Variants in UFSP2 observed in about 807,000 individuals in gnomAD.
The protein encoded by UFSP2 is UFM1 specific peptidase 2, also known as ufm1-specific protease 2.
UFSP2 carries 43 observed loss-of-function variants against 60.2 expected under a neutral mutation model. The observed-to-expected ratio is 0.71, with a 90% CI of 0.56 to 0.92. UFSP2 has a LOEUF of 0.92. Among genes scored for constraint, UFSP2 ranks in the 40% least tolerant of loss-of-function variants. UFSP2 has a pLI of 0.00. For synonymous variants in UFSP2, 183 were observed against 195.1 expected (o/e 0.94, Z 0.52); for missense variants, 520 against 575.0 (o/e 0.90, Z 0.98).
At chr4:185,409,307 A>T (rs1297267967) in intron 7 of UFSP2, among the ~76,000 whole-genome samples, 1 of 152,206 alleles carries the variant, frequency 6.6e-6, no homozygotes. Context: ...ATAAATTCTT[A>T]CTTATAGTGC....
chr4:185,402,184 G>A (rs1297391279), intron 11 of UFSP2: 3 of 370,730 alleles, frequency 8.1e-6, no homozygotes, highest in South Asian at 4.0e-5. Context: ...GAAAAACCTC[G>A]TGTAATACTA....
intron 2 of UFSP2, among the ~76,000 whole-genome samples, chr4:185,421,991 T>G (rs1010998828): frequency 9.2e-5 from 14 of 152,212 alleles, no homozygotes; most frequent in African/African-American, 3.4e-4. Context: ...TCCTCTGATG[T>G]TCTTTATCTC....
In UFSP2 at chr4:185,415,352, G is replaced by T; in HGVS notation, c.492-5C>A. The stretch of plus-strand genomic sequence containing the variant: ...TCAACCAGGAGTTTACGAACTCTGT[G>T]GGGGGAAATATATAAGTGTATTAAC... On this transcript the variant is annotated splice_polypyrimidine_tract_variant and splice_region_variant and intron_variant, in intron 5 of 11. Coordinates refer to ENST00000264689, the MANE Select transcript of UFSP2 (RefSeq NM_018359.5). 3.8e-6 allele frequency: 6 copies of T among 1,565,230 alleles called. No individual in the cohort carries two copies. The South Asian group carries it at 6.1e-5, about 16-fold the overall frequency.
chr4:185,406,076 A>G (rs1477221193), intron 9 of UFSP2: 9 of 915,612 alleles, frequency 9.8e-6, no homozygotes, highest in Non-Finnish European at 1.3e-5. Flanking sequence ...GTGCTAGATA[A>G]GACGCTAAAA....
At position 185,408,355 on chromosome 4, in the gene UFSP2, A is replaced by G. The variant is rs751774584; in HGVS notation, c.912T>C (p.Tyr304=). Residue 304 remains tyrosine, a synonymous_variant, in exon 8 of 12, where the codon TAT becomes TAC. Coordinates refer to ENST00000264689, the MANE Select transcript of UFSP2 (RefSeq NM_018359.5). ...AAGAGCAGATAGTCTGCAGAGATCG[A>G]TAAGCACAGCCCCAGCCATTGTCAT... ...RIDDNGWGCA[Y]RSLQTICSWF... is the part of the protein sequence containing the mutation. 16 of 1,614,092 alleles carry G rather than the reference A, an allele frequency of 9.9e-6. No individual in the cohort carries two copies. In the South Asian group the frequency reaches 1.6e-4, roughly 17 times the overall value.
intron 9 of UFSP2, among the ~76,000 whole-genome samples, chr4:185,406,508 A>G (rs1339720839): frequency 6.6e-6 from 1 of 152,186 alleles, no homozygotes; most frequent in Non-Finnish European, 1.5e-5. Flanking sequence ...TGAGGAACGT[A>G]TGTTTTAATG....
chr4:185,421,307 AG>A (rs1341137683), intron 2 of UFSP2, among the ~76,000 whole-genome samples: 1 of 152,194 alleles, frequency 6.6e-6, no homozygotes, highest in Admixed American at 6.5e-5. Context: ...ATCTCCTTCA[AG>A]GAATGCTGGT....
chr4:185,424,038 C>T (rs1364778763), intron 1 of UFSP2, among the ~76,000 whole-genome samples: 2 of 151,890 alleles, frequency 1.3e-5, no homozygotes, highest in Non-Finnish European at 2.9e-5. Flanking sequence ...CAGTGGCTCA[C>T]GCCTGTAATC....
chr4:185,403,732 G>A, intron 10 of UFSP2, 114 bp from the exon 11 acceptor site: 2 of 1,321,376 alleles, frequency 1.5e-6, no homozygotes, highest in Non-Finnish European at 2.0e-6. Context: ...TGTAATCCCA[G>A]CACTTTGGGA....
intron 6 of UFSP2, among the ~76,000 whole-genome samples, chr4:185,414,841 C>A (rs1304355942): frequency 6.6e-6 from 1 of 152,210 alleles, no homozygotes; most frequent in Admixed American, 6.5e-5. Flanking sequence ...CTGTTAATAC[C>A]AGCAACTTTA....
Position 185,415,786 on chromosome 4 carries a change from C to T in UFSP2, c.415G>A (p.Gly139Arg), listed in dbSNP as rs368418190. The T allele has an allele frequency of 1.1e-5, 18 of 1,613,554 alleles. No individual in the cohort carries two copies. The highest frequency in any genetic ancestry group is 3.3e-5 in the Admixed American group (2 of 59,988). ...AVTPIIERESGGHHYVNMTLP... is the reference protein window; with the variant it reads ...AVTPIIERESRGHHYVNMTLP... Reference sequence around the variant, plus strand: ...GTCATATTAACATAATGGTGTCCTCCGCTTTCCCTTTCAATGATGGGCGTT... The same window carrying T: ...GTCATATTAACATAATGGTGTCCTCTGCTTTCCCTTTCAATGATGGGCGTT... The change falls in exon 5 of 12, where the codon GGA (glycine) becomes AGA (arginine). Residue 139 changes from glycine to arginine, a missense_variant. By Grantham distance (125) the Gly-to-Arg change is moderately radical. Transcript: ENST00000264689.
intron 3 of UFSP2, 34 bp downstream of exon 3, chr4:185,418,553 G>A (rs1561119723): frequency 3.7e-6 from 6 of 1,610,220 alleles, no homozygotes; most frequent in Middle Eastern, 1.7e-4. Flanking sequence ...ATGATGTTTT[G>A]AAAACATTTC....
chr4:185,424,217 G>A (rs2095554904), intron 1 of UFSP2, among the ~76,000 whole-genome samples: 1 of 151,814 alleles, frequency 6.6e-6, no homozygotes, highest in African/African-American at 2.4e-5. Context: ...AAGGTGGGAG[G>A]ACTGCTTGGG....
chr4:185,419,145 T>C (rs1334173246), intron 2 of UFSP2, among the ~76,000 whole-genome samples: 1 of 152,128 alleles, frequency 6.6e-6, no homozygotes. Context: ...TTTTCTTTTT[T>C]TTTTGAGATG....
chr4:185,405,713 T>C, intron 10 of UFSP2, 67 bp downstream of exon 10: 2 of 1,513,298 alleles, frequency 1.3e-6, no homozygotes, highest in Non-Finnish European at 1.8e-6. Flanking sequence ...CAACATTAAA[T>C]ATTTATATCA....
At chr4:185,414,220 A>T (rs1186787195) in intron 6 of UFSP2, among the ~76,000 whole-genome samples, 1 of 152,226 alleles carries the variant, frequency 6.6e-6, no homozygotes, top group African/African-American at 2.4e-5. Flanking sequence ...CTTGTAAATG[A>T]GTAAATTATA....
At chr4:185,405,569 GC>G (rs1431858944) in intron 10 of UFSP2, among the ~76,000 whole-genome samples, 1 of 152,044 alleles carries the variant, frequency 6.6e-6, no homozygotes, top group African/African-American at 2.4e-5. Context: ...CCATTTCTCA[GC>G]CTTTACTTCT....
At position 185,413,764 on chromosome 4, in the gene UFSP2, G is replaced by T. The variant is rs1247516589; in HGVS notation, c.793C>A (p.His265Asn). 1 of 1,613,272 alleles carries T rather than the reference G, an allele frequency of 6.2e-7. No homozygotes were observed. The highest frequency in any genetic ancestry group is 1.3e-5 in the African/African-American group (1 of 74,894). Residue 265 changes from histidine (H) to asparagine (N), a missense_variant, in exon 7 of 12, where the codon CAT (histidine) becomes AAT (asparagine). Physicochemically the swap from His to Asn is moderately conservative, Grantham distance 68. Coordinates refer to ENST00000264689, the MANE Select transcript of UFSP2 (RefSeq NM_018359.5). ...PYKDGYIRNPHTYLNPPNMET... is the reference protein window; with the variant it reads ...PYKDGYIRNPNTYLNPPNMET... The stretch of plus-strand genomic sequence containing the variant: ...ATGTTAGGTGGATTAAGGTAAGTAT[G>T]TGGATTTCTAATGTAACCATCTTTG...
intron 7 of UFSP2, among the ~76,000 whole-genome samples, chr4:185,411,279 TC>T (rs1486864743): frequency 6.6e-6 from 1 of 151,330 alleles, no homozygotes; most frequent in Non-Finnish European, 1.5e-5. Flanking sequence ...AAAAATCTTC[TC>T]ACAAAGAAAA....
Sources: gnomAD v4.1 joint callset for allele counts (sites outside exome capture counted in the v4.1 genomes callset) on GRCh38, gnomAD v4.1.1 for gene constraint, MANE v1.5 for transcripts, NCBI Gene and HGNC (gene_info 2026-07-23, HGNC 2026-07-21) for gene names.